The following TRAPPC9 variants were observed in gnomAD, a reference collection of about 807,000 sequenced individuals.
The protein encoded by TRAPPC9 is IKK2 binding protein.
In TRAPPC9, 83 loss-of-function variants were observed where a neutral mutation model predicts 124.0. The ratio of observed to expected loss-of-function variants is 0.67; its 90% CI spans 0.56 to 0.80. The LOEUF is 0.80. Ranked by LOEUF, TRAPPC9 falls within the 30% of genes least tolerant of loss-of-function variation. The probability of loss-of-function intolerance (pLI) is 0.00; values close to 1 mark genes in which losing one functional copy is unlikely to be tolerated. For missense variants in TRAPPC9, 1,302 were observed against 1,508.3 expected (o/e 0.86, Z 2.27); for synonymous variants, 638 against 617.5 (o/e 1.03, Z -0.49).
chr8:139,858,377 C>T (rs1028357083), intron 21 of TRAPPC9, among the ~76,000 whole-genome samples: 2 of 152,244 alleles, frequency 1.3e-5, no homozygotes, highest in Admixed American at 1.3e-4. Context: ...CCGGGGCCTC[C>T]GCCCAGCTGC....
intron 8 of TRAPPC9, among the ~76,000 whole-genome samples, chr8:140,363,802 T>C (rs1402662503): frequency 1.3e-5 from 2 of 152,012 alleles, no homozygotes; most frequent in Admixed American, 1.3e-4. Context: ...TTCACCATAT[T>C]GGCCAGGCTG....
At chr8:140,422,337 C>T (rs1588325461) in intron 5 of TRAPPC9, among the ~76,000 whole-genome samples, 1 of 152,030 alleles carries the variant, frequency 6.6e-6, no homozygotes, top group East Asian at 1.9e-4. Flanking sequence ...TGGATTTCAT[C>T]CAAATTTAAA....
At chr8:140,210,588 C>G (rs962364030) in intron 17 of TRAPPC9, among the ~76,000 whole-genome samples, 17 of 152,130 alleles carry the variant, frequency 1.1e-4, no homozygotes, top group African/African-American at 4.1e-4. Context: ...CCCTTTCTCT[C>G]CTGGATTCCC....
chr8:140,289,379 A>G (rs2065585187), intron 12 of TRAPPC9, among the ~76,000 whole-genome samples: 1 of 152,188 alleles, frequency 6.6e-6, no homozygotes, highest in East Asian at 1.9e-4. Flanking sequence ...GCAAGGGTGG[A>G]AGCCGAGGAG....
chr8:139,922,103 T>C (rs1832543949), intron 19 of TRAPPC9, among the ~76,000 whole-genome samples: 1 of 151,852 alleles, frequency 6.6e-6, no homozygotes, highest in Non-Finnish European at 1.5e-5. Flanking sequence ...AGAGTGAGAA[T>C]ATTTACTGTT....
chr8:140,036,180 T>C (rs547649537), intron 17 of TRAPPC9, among the ~76,000 whole-genome samples: 1 of 151,612 alleles, frequency 6.6e-6, no homozygotes, highest in African/African-American at 2.4e-5. Context: ...CTGGGAAGCC[T>C]TCGAAGACTT....
chr8:140,426,606 A>T lies in TRAPPC9; in HGVS notation c.886+9T>A, dbSNP rs775906296. 24 of 1,613,712 alleles carry T rather than the reference A, an allele frequency of 1.5e-5. No homozygotes were observed. Among genetic ancestry groups the T allele is most frequent in the Middle Eastern group, 1.6e-4 (1 of 6,062 alleles). On this transcript the variant is annotated intron_variant, in intron 5 of 22. Coordinates refer to ENST00000438773, the MANE Select transcript of TRAPPC9 (RefSeq NM_001160372.4). ...TAACCAAAAGAAACTAAACACATAG[A>T]TCATGTACCTGGATCAATGAGAACT... is the stretch of plus-strand genomic sequence containing the variant.
intron 9 of TRAPPC9, among the ~76,000 whole-genome samples, chr8:140,335,666 C>G (rs1470613479): frequency 4.0e-5 from 6 of 150,626 alleles, no homozygotes; most frequent in African/African-American, 9.8e-5. Context: ...TTGAATATAT[C>G]AAGAGCTTCA....
rs143967291 is a variant in TRAPPC9, at chr8:139,792,794, T to C, written c.3056-60592A>G. On this transcript the variant is annotated intron_variant, in intron 21 of 22. Coordinates refer to ENST00000438773, the MANE Select transcript of TRAPPC9 (RefSeq NM_001160372.4). ...TCAGCCTGCACCCCACCTGGAGCAA[T>C]AGTGCTGCTATCTAGTCAGACTTTA... Among the ~76,000 whole-genome samples, 18 of 152,310 alleles carry C rather than the reference T, an allele frequency of 1.2e-4. No individual in the cohort carries two copies. In the East Asian group the frequency reaches 3.5e-3, roughly 29 times the overall value.
At chr8:139,955,552 G>T (rs1834915913) in intron 19 of TRAPPC9, among the ~76,000 whole-genome samples, 1 of 152,174 alleles carries the variant, frequency 6.6e-6, no homozygotes, top group Admixed American at 6.5e-5. Context: ...TCTAAGACAG[G>T]AAGGGATTTA....
intron 20 of TRAPPC9, among the ~76,000 whole-genome samples, chr8:139,909,586 G>T (rs1351817850): frequency 1.3e-5 from 2 of 152,216 alleles, no homozygotes; most frequent in African/African-American, 4.8e-5. Context: ...AGGGAACCTG[G>T]GCTTCTCCAA....
intron 21 of TRAPPC9, among the ~76,000 whole-genome samples, chr8:139,759,155 G>A (rs1820053799): frequency 6.6e-6 from 1 of 152,190 alleles, no homozygotes; most frequent in Non-Finnish European, 1.5e-5. Flanking sequence ...TGAGGAAACC[G>A]AGGGTCAGAG....
At chr8:140,376,314 T>C (rs2068435786) in intron 7 of TRAPPC9, among the ~76,000 whole-genome samples, 1 of 151,624 alleles carries the variant, frequency 6.6e-6, no homozygotes, top group Non-Finnish European at 1.5e-5. Context: ...CCTAGCACTT[T>C]GGGAGGATGA....
At chr8:140,080,308 C>A (rs1173745357) in intron 17 of TRAPPC9, among the ~76,000 whole-genome samples, 1 of 152,232 alleles carries the variant, frequency 6.6e-6, no homozygotes, top group Non-Finnish European at 1.5e-5. Flanking sequence ...CAGTACAAAA[C>A]ACCACGCCAC....
At chr8:140,264,391 T>A (rs186767310) in intron 15 of TRAPPC9, among the ~76,000 whole-genome samples, 1 of 152,138 alleles carries the variant, frequency 6.6e-6, no homozygotes, top group Non-Finnish European at 1.5e-5. Flanking sequence ...CTTCCTTCCA[T>A]GTGTTATGAG....
At chr8:140,136,732 G>C (rs2061310829) in intron 17 of TRAPPC9, among the ~76,000 whole-genome samples, 1 of 152,178 alleles carries the variant, frequency 6.6e-6, no homozygotes, top group African/African-American at 2.4e-5. Flanking sequence ...CAGCAACAGG[G>C]GAGGCTGACG....
intron 19 of TRAPPC9, among the ~76,000 whole-genome samples, chr8:139,971,734 CACACAT>C (rs1231100817): frequency 1.1e-4 from 11 of 103,502 alleles, no homozygotes; most frequent in African/African-American, 3.0e-4. Flanking sequence ...CACACACACA[CACACAT>C]ATATATATAC....
At chr8:140,179,993 A>ATTTTTTTTTTTTTTTTTTTTTTTTTT (rs71520259) in intron 17 of TRAPPC9, among the ~76,000 whole-genome samples, 4 of 90,038 alleles carry the variant, frequency 4.4e-5, no homozygotes, top group East Asian at 9.6e-4. Context: ...TTATATCTTG[A>ATTTTTTTTTTTTTTTTTTTTTTTTTT]TTTTTTTTTT....
rs376958817 is a variant in TRAPPC9 at position 140,339,060 on chromosome 8, C to T, written c.1495+20990G>A. ...CGGGAAACGGCTCAGAGAAAACCAC[C>T]GCCACCAGACGGCCACCTACAGGCC... On this transcript the variant is annotated intron_variant, in intron 9 of 22. Transcript: ENST00000438773. 3.2e-4 allele frequency among the ~76,000 whole-genome samples: 47 copies of T among 145,636 alleles called. No individual in the cohort carries two copies. In the East Asian group the frequency reaches 9.0e-3, roughly 28 times the overall value.
Sources: gnomAD v4.1 joint callset for allele counts (sites outside exome capture counted in the v4.1 genomes callset) on GRCh38, gnomAD v4.1.1 for gene constraint, MANE v1.5 for transcripts, NCBI Gene and HGNC (gene_info 2026-07-23, HGNC 2026-07-21) for gene names.